NCAPG: variants seen among roughly 807,000 people sequenced by gnomAD.
The protein encoded by NCAPG is condensin complex subunit 3.
Under a neutral mutation model 113.1 loss-of-function variants are expected in NCAPG, and 69 were observed. The observed-to-expected ratio is 0.61, with a 90% CI of 0.50 to 0.75. The LOEUF (loss-of-function observed/expected upper bound fraction) is 0.75. Ranked by LOEUF, NCAPG falls within the 30% of genes least tolerant of loss-of-function variation. The pLI, the probability that NCAPG is intolerant of heterozygous loss-of-function variation, is 0.00. For missense variants in NCAPG, 1,058 were observed against 1,177.0 expected (o/e 0.90, Z 1.48); for synonymous variants, 370 against 415.8 (o/e 0.89, Z 1.34).
At chr4:17,840,471 G>C in intron 18 of NCAPG, 136 bp from the exon 19 acceptor site, 1 of 609,114 alleles carries the variant, frequency 1.6e-6, no homozygotes, top group Admixed American at 4.2e-5. Flanking sequence ...ATTTTCGAAA[G>C]GGTGATTTAT....
At chr4:17,825,742 ATTAACT>A (rs1407996595) in intron 11 of NCAPG, among the ~76,000 whole-genome samples, 181 bp downstream of exon 11, 12 of 152,072 alleles carry the variant, frequency 7.9e-5, no homozygotes, top group African/African-American at 2.4e-4. Context: ...AAAGGCCTTA[ATTAACT>A]TTAATTATTG....
rs1721999030 is a variant in NCAPG, at chr4:17,834,407, C to A, written c.1993C>A (p.Leu665Ile). The A allele has an allele frequency of 6.8e-6, 11 of 1,611,700 alleles. No individual in the cohort carries two copies. The South Asian group carries it at 7.7e-5, about 11-fold the overall frequency. The part of the protein sequence containing the change: ...EPFKTKKIKT[L>I]HCEGTEINSD... ...ATTTAAAACTAAAAAAATCAAAACA[C>A]TTCATTGTGAAGGTACAGAAATAAA... Residue 665 changes from leucine (L) to isoleucine (I), a missense_variant, in exon 14 of 21, where the codon CTT (leucine) becomes ATT (isoleucine). Transcript: ENST00000251496.
At chr4:17,821,081 A>T (rs1721438225) in intron 7 of NCAPG, among the ~76,000 whole-genome samples, 1 of 152,100 alleles carries the variant, frequency 6.6e-6, no homozygotes, top group African/African-American at 2.4e-5. Context: ...GCAGTTGAGG[A>T]TTTTTAATCT....
At chr4:17,836,683 T>C (rs1335667098) in intron 14 of NCAPG, among the ~76,000 whole-genome samples, 1 of 152,148 alleles carries the variant, frequency 6.6e-6, no homozygotes, top group African/African-American at 2.4e-5. Flanking sequence ...TCTCTAGACT[T>C]TTGTTTACTT....
intron 7 of NCAPG, among the ~76,000 whole-genome samples, chr4:17,822,486 G>A (rs1045030590): frequency 5.9e-5 from 9 of 152,046 alleles, no homozygotes; most frequent in Admixed American, 2.6e-4. Context: ...CACTGTGCCC[G>A]GCTGAAGATT....
Position 17,813,010 on chromosome 4 carries a change from G to A in NCAPG, c.409G>A (p.Asp137Asn). ...GSMPENAQID[D>N]DVFDKINKAM... ...TATGCCAGAAAATGCTCAGATTGAT[G>A]ATGATGTGTTTGATAAAATTAATAA... Residue 137 changes from aspartate (D) to asparagine (N), a missense_variant, in exon 3 of 21, where the codon GAT (aspartate) becomes AAT (asparagine). Transcript: ENST00000251496. The A allele has an allele frequency of 6.2e-7, 1 of 1,614,014 alleles. No individual in the cohort carries two copies. The highest frequency in any genetic ancestry group is 1.3e-5 in the African/African-American group (1 of 75,036).
Position 17,815,372 on chromosome 4 carries a change from C to G in NCAPG, c.775+14C>G, listed in dbSNP as rs1344673026. 6.4e-7 allele frequency: 1 copy of G among 1,560,276 alleles called. No homozygotes were observed. Among genetic ancestry groups the G allele is most frequent in the African/African-American group, 1.4e-5 (1 of 71,722 alleles). ...ATGACAGATCAGGTAAGATAAACAACTTTATATATACAAAACTTTAGTAGA... is the reference window on the plus strand; with the variant it reads ...ATGACAGATCAGGTAAGATAAACAAGTTTATATATACAAAACTTTAGTAGA... On this transcript the variant is annotated intron_variant, in intron 5 of 20. Transcript: ENST00000251496.
chr4:17,832,792 T>A (rs2087117776), intron 13 of NCAPG, among the ~76,000 whole-genome samples: 2 of 152,042 alleles, frequency 1.3e-5, no homozygotes, highest in South Asian at 4.2e-4. Context: ...CAGTAGGGGC[T>A]AAGGTGAATT....
chr4:17,813,115 C>G lies in NCAPG; in HGVS notation c.514C>G (p.Pro172Ala), dbSNP rs144209734. 3 of 1,613,940 alleles carry G rather than the reference C, an allele frequency of 1.9e-6. No homozygotes were observed. The South Asian group carries it at 3.3e-5, about 18-fold the overall frequency. Residue 172 changes from proline (P) to alanine (A), a missense_variant, in exon 3 of 21, where the codon CCC becomes GCC. Pro to Ala is a conservative substitution (Grantham distance 27). Transcript: ENST00000251496. Reference protein sequence around the residue: ...AVLALSRLQDPKDDECPVVNA... With the variant: ...AVLALSRLQDAKDDECPVVNA... The stretch of plus-strand genomic sequence containing the variant: ...TCTGGCGCTTTCACGACTTCAGGAT[C>G]CCAAGGATGATGAATGCCCAGTGGT...
chr4:17,841,555 T>A (rs1300933044), intron 19 of NCAPG: 2 of 151,942 alleles, frequency 1.3e-5, no homozygotes, highest in African/African-American at 4.8e-5. Context: ...AAGTAGAGTA[T>A]ATAATTTTCA....
At chr4:17,817,904 C>A in intron 6 of NCAPG, 35 bp from the exon 7 acceptor site, 1 of 1,545,656 alleles carries the variant, frequency 6.5e-7, no homozygotes, top group South Asian at 1.2e-5. Context: ...ATAAAAAGAT[C>A]ATGCTTTCTC....
At chr4:17,817,747 A>G (rs984453813) in intron 6 of NCAPG, among the ~76,000 whole-genome samples, 192 bp from the exon 7 acceptor site, 1 of 152,110 alleles carries the variant, frequency 6.6e-6, no homozygotes, top group African/African-American at 2.4e-5. Flanking sequence ...CACCCCTAGT[A>G]TATGTTTGCT....
chr4:17,815,794 GA>G (rs1721181491), intron 5 of NCAPG, among the ~76,000 whole-genome samples: 1 of 152,142 alleles, frequency 6.6e-6, no homozygotes, highest in Admixed American at 6.6e-5. Flanking sequence ...AAAGTGTTGG[GA>G]TTACAGGTGT....
At position 17,828,356 on chromosome 4, in the gene NCAPG, A is replaced by G. The variant is rs778163014; in HGVS notation, c.1732A>G (p.Ser578Gly). ...GCAGATGTCCATTTCAACAGGCTTA[A>G]GTGCAACCATGAATGGAATCATCGA... ...LKQMSISTGL[S>G]ATMNGIIESL... is the part of the protein sequence containing the mutation. The change falls in exon 12 of 21, where the codon AGT (serine) becomes GGT (glycine). Residue 578 changes from serine (S) to glycine (G), a missense_variant. Ser to Gly is a moderately conservative substitution (Grantham distance 56). Transcript: ENST00000251496. 3 of 1,607,362 alleles carry G rather than the reference A, an allele frequency of 1.9e-6. No homozygotes were observed. The East Asian group carries it at 6.8e-5, about 36-fold the overall frequency.
intron 13 of NCAPG, among the ~76,000 whole-genome samples, chr4:17,831,318 AT>A (rs1721863126): frequency 6.6e-6 from 1 of 152,244 alleles, no homozygotes; most frequent in South Asian, 2.1e-4. Context: ...TATGTAAGAT[AT>A]TCTTTTAATT....
At position 17,840,641 on chromosome 4, in the gene NCAPG, G is replaced by A; in HGVS notation, c.2802G>A (p.Arg934=). ...KNKEVYMTPL[R]GVKATQASKS... ...AAGAAGTATATATGACTCCACTCAG[G>A]GGTGTAAAAGCAACCCAAGCATCAA... The change falls in exon 19 of 21, where the codon AGG becomes AGA. Residue 934 remains arginine (R), a synonymous_variant. Transcript: ENST00000251496. 6.4e-7 allele frequency: 1 copy of A among 1,556,542 alleles called. No homozygotes were observed. Among genetic ancestry groups the A allele is most frequent in the Admixed American group, 1.9e-5 (1 of 52,080 alleles).
chr4:17,814,930 A>G lies in NCAPG; in HGVS notation c.622A>G (p.Lys208Glu), dbSNP rs1721139964. 2 of 1,614,234 alleles carry G rather than the reference A, an allele frequency of 1.2e-6. No individual in the cohort carries two copies. The highest frequency in any genetic ancestry group is 2.2e-5 in the East Asian group (1 of 44,884). Residue 208 changes from lysine (K) to glutamate (E), a missense_variant, in exon 4 of 21, where the codon AAG becomes GAG. Coordinates refer to ENST00000251496, the MANE Select transcript of NCAPG (RefSeq NM_022346.5). Reference protein sequence around the residue: ...AVLSCIAPSAKTLPKIVGRTK... With the variant: ...AVLSCIAPSAETLPKIVGRTK... ...GTTATCATGTATTGCACCATCAGCAAAGACTTTGCCAAAAATTGTAGGGCG... is the reference window on the plus strand; with the variant it reads ...GTTATCATGTATTGCACCATCAGCAGAGACTTTGCCAAAAATTGTAGGGCG...
chr4:17,843,488 A>T lies in NCAPG; in HGVS notation c.*63A>T, dbSNP rs1577221261. ...CAGTTATTTGCTTTAATAAAGAAGA[A>T]GTTACCCTTGTCAAAATCAGAACAA... On this transcript the variant is annotated 3_prime_UTR_variant, in exon 21 of 21. Transcript: ENST00000251496. 9.6e-6 allele frequency: 15 copies of T among 1,562,146 alleles called. No homozygotes were observed. In the East Asian group the frequency reaches 3.4e-4, roughly 35 times the overall value.
At chr4:17,827,523 G>A (rs903485252) in intron 11 of NCAPG, among the ~76,000 whole-genome samples, 2 of 152,178 alleles carry the variant, frequency 1.3e-5, no homozygotes, top group African/African-American at 4.8e-5. Context: ...AGAAAAGGGA[G>A]TCAGGAATGT....
Sources: allele counts gnomAD v4.1 joint callset (sites outside exome capture counted in the v4.1 genomes callset), GRCh38; gene constraint gnomAD v4.1.1; transcripts MANE v1.5; gene names NCBI Gene and HGNC (gene_info 2026-07-23, HGNC 2026-07-21).